The following CROCC variants were observed in gnomAD, a reference collection of about 807,000 sequenced individuals.
CROCC encodes the protein ciliary rootlet coiled-coil, rootletin, also known as rootletin.
CROCC carries 180 observed loss-of-function variants against 245.2 expected under a neutral mutation model. The observed-to-expected ratio is 0.73, with a 90% CI of 0.65 to 0.83. The LOEUF (loss-of-function observed/expected upper bound fraction) is 0.83, where lower values mean the gene tolerates loss of function less well. Among genes scored for constraint, CROCC ranks in the 40% least tolerant of loss-of-function variants. CROCC has a pLI of 0.00. For missense variants in CROCC, 2,688 were observed against 2,779.4 expected (o/e 0.97, Z 0.74); for synonymous variants, 1,205 against 1,241.6 (o/e 0.97, Z 0.62).
intron 25 of CROCC, among the ~76,000 whole-genome samples, chr1:16,957,502 G>A (rs1310311469): frequency 6.6e-6 from 1 of 152,114 alleles, no homozygotes; most frequent in Non-Finnish European, 1.5e-5. Context: ...GAGTGCAGTG[G>A]CGCAATCTCG....
rs771519997 is a variant in CROCC at position 16,922,692 on chromosome 1, G to A, written c.90G>A (p.Glu30=). 1 of 1,613,202 alleles carries A rather than the reference G, an allele frequency of 6.2e-7. No individual in the cohort carries two copies. The highest frequency in any genetic ancestry group is 8.5e-7 in the Non-Finnish European group (1 of 1,179,686). Reference sequence around the variant, plus strand: ...TGGAGAGCAGCGTCCTGTGCCAGGAGAAAGGCTTGGGCGCGCGGGACCTGG... The same window carrying A: ...TGGAGAGCAGCGTCCTGTGCCAGGAAAAAGGCTTGGGCGCGCGGGACCTGG... ...QTLESSVLCQ[E]KGLGARDLAQ... Residue 30 remains glutamate (E), a synonymous_variant, in exon 2 of 37, where the codon GAG becomes GAA. Transcript: ENST00000375541.
chr1:16,916,700 A>G (rs995992126), intron 1 of CROCC, among the ~76,000 whole-genome samples: 29 of 152,272 alleles, frequency 1.9e-4, no homozygotes, highest in Non-Finnish European at 3.5e-4. Flanking sequence ...TTTGGCAGAG[A>G]TGGAGTCTCA....
intron 1 of CROCC, 83 bp from the exon 2 acceptor site, chr1:16,922,580 C>T (rs1339398806): frequency 2.0e-6 from 3 of 1,504,448 alleles, no homozygotes; most frequent in Non-Finnish European, 2.7e-6. Context: ...GTATCTTGGG[C>T]AGTAGGATTC....
Position 16,922,087 on chromosome 1 carries a change from TG to T in CROCC, c.60+14del, listed in dbSNP as rs747897295. ...TAGAGACGGTTATCCAGGTGGGTCC[TG>T]GGGGCTGTGCCCACCCTGTCTGGGG... is the stretch of plus-strand genomic sequence containing the variant. On this transcript the variant is annotated intron_variant, in intron 1 of 36. Coordinates refer to ENST00000375541, the MANE Select transcript of CROCC (RefSeq NM_014675.5). The T allele has an allele frequency of 1.3e-6, 2 of 1,542,944 alleles. No homozygotes were observed. Among genetic ancestry groups the T allele is most frequent in the Admixed American group, 2.0e-5 (1 of 49,792 alleles).
chr1:16,936,236 C>G (rs1239354922), intron 8 of CROCC, among the ~76,000 whole-genome samples: 2 of 152,234 alleles, frequency 1.3e-5, no homozygotes, highest in Non-Finnish European at 2.9e-5. Context: ...CAGGTGTATG[C>G]CACCGCACCC....
At chr1:16,936,120 T>A (rs907601872) in intron 8 of CROCC, among the ~76,000 whole-genome samples, 1 of 152,246 alleles carries the variant, frequency 6.6e-6, no homozygotes, top group South Asian at 2.1e-4. Context: ...GTTTTTTTTT[T>A]CTTCCTCTTT....
rs760655232 is a variant in CROCC at position 16,944,129 on chromosome 1, A to G, written c.1838A>G (p.Gln613Arg). The change falls in exon 14 of 37, where the codon CAG (glutamine) becomes CGG (arginine). Residue 613 changes from glutamine to arginine, a missense_variant. By Grantham distance (43) the Gln-to-Arg change is conservative. Transcript: ENST00000375541. The part of the protein sequence containing the change: ...REKSNLAHSL[Q>R]VAQQQAEELR... ...AAGAGCAACCTGGCCCACAGCCTGC[A>G]GGTGGCCCAGCAGCAGGCCGAGGAG... 569 of 1,559,378 alleles carry G rather than the reference A, an allele frequency of 3.6e-4. No homozygotes were observed. The Middle Eastern group carries it at 7.3e-3, about 20-fold the overall frequency.
chr1:16,946,395 T>C lies in CROCC; in HGVS notation c.2273T>C (p.Leu758Pro), dbSNP rs1401128883. The change falls in exon 16 of 37, where the codon CTT becomes CCT. Residue 758 changes from leucine to proline, a missense_variant. Around this residue, in one of 9 missense-constraint regions of CROCC, gnomAD observed 295 missense variants for 241.7 expected, o/e 1.22. Transcript: ENST00000375541. ...CAGGACAAGTTGGATCTGAACCGCC[T>C]TGTCGCCCAGGTACGCTGTGCACCT... ...LAQDKLDLNRLVAQLEEEKSA... is the reference protein window; with the variant it reads ...LAQDKLDLNRPVAQLEEEKSA... 6.2e-7 allele frequency: 1 copy of C among 1,611,618 alleles called. No individual in the cohort carries two copies. The highest frequency in any genetic ancestry group is 8.5e-7 in the Non-Finnish European group (1 of 1,179,648).
intron 36 of CROCC, among the ~76,000 whole-genome samples, chr1:16,972,045 C>A (rs1429542820): frequency 6.6e-6 from 1 of 152,224 alleles, no homozygotes; most frequent in Non-Finnish European, 1.5e-5. Context: ...CCTTGTCGGC[C>A]GGGCAAGGCT....
intron 3 of CROCC, among the ~76,000 whole-genome samples, chr1:16,925,304 G>C (rs2075509850): frequency 6.6e-6 from 1 of 152,258 alleles, no homozygotes; most frequent in South Asian, 2.1e-4. Flanking sequence ...CGCGTGCTGA[G>C]TGTTTCACAT....
chr1:16,966,693 A>T lies in CROCC; in HGVS notation c.4860+122A>T. On this transcript the variant is annotated intron_variant, in intron 30 of 36. Transcript: ENST00000375541. This position sits in a 1 kb window ranked among gnomAD's most constrained non-coding sequence, Gnocchi z 4.8. ...AGTCTCTCTGCAACCCACTGAGGTG[A>T]CCAGCCTGTGACTCTGTGAAACCAT... 8.6e-7 allele frequency: 1 copy of T among 1,158,678 alleles called. No homozygotes were observed. Among genetic ancestry groups the T allele is most frequent in the Non-Finnish European group, 1.2e-6 (1 of 863,128 alleles). 71.8% of individuals were successfully genotyped at this position (1,158,678 alleles called of 1,614,324 possible).
chr1:16,963,950 T>C (rs2076375649), intron 27 of CROCC, among the ~76,000 whole-genome samples: 1 of 151,238 alleles, frequency 6.6e-6, no homozygotes. Context: ...CGTGCACCAC[T>C]GCACCCAGCT....
chr1:16,934,286 C>G (rs1356449926), intron 8 of CROCC, among the ~76,000 whole-genome samples: 1 of 152,144 alleles, frequency 6.6e-6, no homozygotes, highest in Admixed American at 6.5e-5. Context: ...AGGATTTAAC[C>G]TGTATTATGG....
rs201265491 is a variant in CROCC at position 16,922,777 on chromosome 1, C to G, written c.175C>G (p.Leu59Val). The G allele has an allele frequency of 6.2e-7, 1 of 1,613,386 alleles. No individual in the cohort carries two copies. Among genetic ancestry groups the G allele is most frequent in the East Asian group, 2.2e-5 (1 of 44,892 alleles). The change falls in exon 2 of 37, where the codon CTC (leucine) becomes GTC (valine). Residue 59 changes from leucine to valine, a missense_variant. This residue lies in a region of CROCC where 972 missense variants were observed against 895.3 expected (regional missense o/e 1.09). Transcript: ENST00000375541. ...TATCAGGGAGATTGTCACCCGCAAC[C>G]TCTCCCAGCCTGAGAGCCCAGGTGC... ...ALIREIVTRN[L>V]SQPESPVLLP...
In CROCC at chr1:16,938,941, G is replaced by A. The variant is rs1408908947; in HGVS notation, c.1407G>A (p.Gln469=). 1 of 1,603,190 alleles carries A rather than the reference G, an allele frequency of 6.2e-7. No homozygotes were observed. The highest frequency in any genetic ancestry group is 8.5e-7 in the Non-Finnish European group (1 of 1,177,216). ...TGTCAGACTCTGAGAGCGGCGTCCA[G>A]CTGAGCGGCTCTGAGCGCACCGCGG... ...AVLSDSESGV[Q]LSGSERTADA... The change falls in exon 12 of 37, where the codon CAG becomes CAA. Residue 469 remains glutamine (Q), a synonymous_variant. Coordinates refer to ENST00000375541, the MANE Select transcript of CROCC (RefSeq NM_014675.5).
intron 31 of CROCC, 65 bp downstream of exon 31, chr1:16,968,483 C>T (rs960614337): frequency 1.4e-6 from 2 of 1,405,356 alleles, no homozygotes; most frequent in African/African-American, 2.9e-5. Flanking sequence ...TTTGTAGGCA[C>T]TACGCAGTCC....
chr1:16,922,112 G>A (rs372566108), intron 1 of CROCC, 34 bp downstream of exon 1: 1,494 of 1,518,228 alleles, frequency 9.8e-4, no homozygotes, highest in Non-Finnish European at 1.1e-3. Context: ...CCCTGTCTGG[G>A]GCGGGGCAGC....
Position 16,937,696 on chromosome 1 carries a change from G to T in CROCC, c.1249G>T (p.Asp417Tyr). ...KRLEKQNLEKDQVNKDLTEKL... is the reference protein window; with the variant it reads ...KRLEKQNLEKYQVNKDLTEKL... ...TCTTGAGAAGCAGAATCTGGAGAAG[G>T]ATCAGGTCAACAAGGACCTCACTGA... is the stretch of plus-strand genomic sequence containing the variant. Residue 417 changes from aspartate (D) to tyrosine (Y), a missense_variant, in exon 10 of 37, where the codon GAT becomes TAT. By Grantham distance (160) the Asp-to-Tyr change is radical (BLOSUM62 -3). Around this residue, in one of 9 missense-constraint regions of CROCC, gnomAD observed 972 missense variants for 895.3 expected, o/e 1.09. Coordinates refer to ENST00000375541, the MANE Select transcript of CROCC (RefSeq NM_014675.5). The T allele has an allele frequency of 6.2e-7, 1 of 1,611,500 alleles. No homozygotes were observed. The highest frequency in any genetic ancestry group is 8.5e-7 in the Non-Finnish European group (1 of 1,179,572).
intron 11 of CROCC, 62 bp downstream of exon 11, chr1:16,938,545 C>G (rs1425420658): frequency 4.8e-6 from 7 of 1,445,428 alleles, no homozygotes; most frequent in Non-Finnish European, 6.6e-6. Context: ...TCCCCCGCCA[C>G]GTCTTTCGGT....
Sources: gnomAD v4.1 joint callset for allele counts (sites outside exome capture counted in the v4.1 genomes callset) on GRCh38, gnomAD v4.1.1 for gene constraint, gnomAD v4.1.1 regional missense constraint, Gnocchi (gnomAD v3.1) non-coding constraint, MANE v1.5 for transcripts, NCBI Gene and HGNC (gene_info 2026-07-23, HGNC 2026-07-21) for gene names.